The following IMMP2L variants were observed in gnomAD, a reference collection of about 807,000 sequenced individuals.
IMMP2L encodes the protein mitochondrial inner membrane protease subunit 2.
In IMMP2L, 18 loss-of-function variants were observed where a neutral mutation model predicts 19.3. That is an observed-to-expected ratio of 0.93 (90% CI 0.64 to 1.38). The LOEUF (loss-of-function observed/expected upper bound fraction) is 1.38, where lower values mean the gene tolerates loss of function less well. Among genes scored for constraint, IMMP2L ranks in the 40% most tolerant of loss-of-function variants. IMMP2L has a pLI of 0.00. For synonymous variants in IMMP2L, 76 were observed against 73.0 expected (o/e 1.04, Z -0.21); for missense variants, 233 against 218.2 (o/e 1.07, Z -0.43).
intron 3 of IMMP2L, among the ~76,000 whole-genome samples, chr7:111,440,185 T>G (rs10215967): frequency 0.088 from 13,393 of 151,882 alleles, 844 homozygotes; most frequent in African/African-American, 0.13. Context: ...CCTCCTCCCA[T>G]GAATCATGAA....
At chr7:110,892,109 C>T (rs772720709) in intron 4 of IMMP2L, among the ~76,000 whole-genome samples, 2 of 152,116 alleles carry the variant, frequency 1.3e-5, no homozygotes, top group Non-Finnish European at 2.9e-5. Context: ...AACCCATTGT[C>T]TCTCCTAAAT....
intron 5 of IMMP2L, among the ~76,000 whole-genome samples, chr7:110,771,206 C>A (rs969034912): frequency 2.0e-5 from 3 of 152,104 alleles, no homozygotes; most frequent in Non-Finnish European, 2.9e-5. Context: ...GTCAGGAAAA[C>A]CACTATGAGA....
At chr7:111,538,686 T>C (rs921423321) in intron 1 of IMMP2L, among the ~76,000 whole-genome samples, 1 of 149,764 alleles carries the variant, frequency 6.7e-6, no homozygotes, top group Admixed American at 6.7e-5. Flanking sequence ...GGCACATGCC[T>C]GTGCTCCCAG....
intron 1 of IMMP2L, among the ~76,000 whole-genome samples, chr7:111,526,065 C>A (rs891782666): frequency 2.4e-4 from 37 of 151,378 alleles, no homozygotes; most frequent in African/African-American, 9.0e-4. Context: ...GGCCTAGGGG[C>A]AAAATAAAAT....
At chr7:111,313,641 C>G (rs948438752) in intron 3 of IMMP2L, among the ~76,000 whole-genome samples, 1 of 151,950 alleles carries the variant, frequency 6.6e-6, no homozygotes, top group Non-Finnish European at 1.5e-5. Flanking sequence ...GTGACAAATC[C>G]CAGAGTTACA....
Position 111,475,096 on chromosome 7 carries a change from C to T in IMMP2L, c.239+12142G>A, listed in dbSNP as rs988262759. ...CCAGCTTCTTCAACAGCAGTTCCAA[C>T]ATCCATACAATTTTTAATAAAGTGA... On this transcript the variant is annotated intron_variant, in intron 3 of 5. Transcript: ENST00000405709. Among the ~76,000 whole-genome samples the T allele has an allele frequency of 5.9e-5, 9 of 152,234 alleles. No individual in the cohort carries two copies. The South Asian group carries it at 1.0e-3, about 18-fold the overall frequency.
intron 5 of IMMP2L, among the ~76,000 whole-genome samples, chr7:110,867,218 A>G (rs973145113): frequency 6.6e-6 from 1 of 151,924 alleles, no homozygotes; most frequent in African/African-American, 2.4e-5. Flanking sequence ...GGGCTCTCTT[A>G]CTGACTTGCT....
rs987561440 is a variant in IMMP2L, at chr7:111,377,944, A to G, written c.239+109294T>C. On this transcript the variant is annotated intron_variant, in intron 3 of 5. Coordinates refer to ENST00000405709, the MANE Select transcript of IMMP2L (RefSeq NM_032549.4). Reference sequence around the variant, plus strand: ...ATCCTTCCATTAATAATTCTAACTTAACTTAGTTTTACTTATTCATTTTTC... The same window carrying G: ...ATCCTTCCATTAATAATTCTAACTTGACTTAGTTTTACTTATTCATTTTTC... Among the ~76,000 whole-genome samples, 3 of 151,944 alleles carry G rather than the reference A, an allele frequency of 2.0e-5. No individual in the cohort carries two copies. In the South Asian group the frequency reaches 6.2e-4, roughly 32 times the overall value.
intron 5 of IMMP2L, among the ~76,000 whole-genome samples, chr7:110,733,903 C>T (rs569038502): frequency 1.3e-5 from 2 of 152,238 alleles, no homozygotes; most frequent in African/African-American, 4.8e-5. Context: ...TCATCAGACA[C>T]TGACTCTGCC....
Position 111,338,514 on chromosome 7 carries a change from T to C in IMMP2L, c.239+148724A>G, listed in dbSNP as rs1464191387. On this transcript the variant is annotated intron_variant, in intron 3 of 5. Transcript: ENST00000405709. ...ATATGCCATAAATCAAACAATCATA[T>C]ATAATAAGTACACTTAATAGTACAA... 2.6e-5 allele frequency among the ~76,000 whole-genome samples: 4 copies of C among 152,094 alleles called. No individual in the cohort carries two copies. The East Asian group carries it at 7.7e-4, about 29-fold the overall frequency.
In IMMP2L at chr7:110,782,311, A is replaced by T. The variant is rs2131088419; in HGVS notation, c.408+104282T>A. On this transcript the variant is annotated intron_variant, in intron 5 of 5. Coordinates refer to ENST00000405709, the MANE Select transcript of IMMP2L (RefSeq NM_032549.4). ...AATACACATGACTATTTTAAATTAA[A>T]AATAACAGTAGGGGAAAAAATAAAC... Among the ~76,000 whole-genome samples the T allele has an allele frequency of 2.0e-5, 3 of 152,114 alleles. No individual in the cohort carries two copies. In the Middle Eastern group the frequency reaches 0.01, roughly 517 times the overall value.
At chr7:110,893,360 G>GT (rs1811003728) in intron 4 of IMMP2L, among the ~76,000 whole-genome samples, 1 of 151,996 alleles carries the variant, frequency 6.6e-6, no homozygotes, top group Non-Finnish European at 1.5e-5. Flanking sequence ...ATAAAACAAG[G>GT]TATGACTGTA....
chr7:110,824,345 T>C (rs928392359), intron 5 of IMMP2L, among the ~76,000 whole-genome samples: 5 of 152,112 alleles, frequency 3.3e-5, no homozygotes, highest in Admixed American at 2.0e-4. Context: ...ACAAATAGGA[T>C]AGACTAAAAA....
At chr7:111,044,708 C>G (rs1792221204) in intron 3 of IMMP2L, among the ~76,000 whole-genome samples, 1 of 152,072 alleles carries the variant, frequency 6.6e-6, no homozygotes, top group African/African-American at 2.4e-5. Context: ...AACACTAACG[C>G]AAAAATGGCA....
intron 5 of IMMP2L, among the ~76,000 whole-genome samples, chr7:110,783,220 G>T (rs1167979473): frequency 6.6e-6 from 1 of 151,780 alleles, no homozygotes; most frequent in African/African-American, 2.4e-5. Flanking sequence ...TCATTGTGGA[G>T]CCCTATATCT....
At chr7:110,784,116 T>C (rs138678925) in intron 5 of IMMP2L, among the ~76,000 whole-genome samples, 8 of 152,024 alleles carry the variant, frequency 5.3e-5, no homozygotes, top group African/African-American at 1.9e-4. Flanking sequence ...ACTTTCTAGA[T>C]AACAAGAATA....
intron 3 of IMMP2L, among the ~76,000 whole-genome samples, chr7:111,230,690 A>C (rs113274179): frequency 2.6e-5 from 4 of 152,178 alleles, no homozygotes; most frequent in African/African-American, 9.6e-5. Flanking sequence ...GTGCCAAGCT[A>C]TGCAGATTTT....
intron 3 of IMMP2L, among the ~76,000 whole-genome samples, chr7:111,152,536 A>G (rs576486429): frequency 1.8e-4 from 28 of 152,280 alleles, no homozygotes; most frequent in African/African-American, 6.5e-4. Flanking sequence ...TAAGCATAGT[A>G]TAATAGAAAA....
Position 110,727,684 on chromosome 7 carries a change from A to G in IMMP2L, c.409-63963T>C, listed in dbSNP as rs571015970. ...TTTAAAAAATATTAGAATATTAAAT[A>G]TAACATGAGCTAGATATTTAAATTA... On this transcript the variant is annotated intron_variant, in intron 5 of 5. Transcript: ENST00000405709. The surrounding 1 kb of genome is among the most constrained non-coding windows in gnomAD (Gnocchi z 4.3). Among the ~76,000 whole-genome samples the G allele has an allele frequency of 2.5e-4, 38 of 152,296 alleles. No homozygotes were observed. The highest frequency in any genetic ancestry group is 6.7e-4 in the African/African-American group (28 of 41,566).
Sources: allele counts gnomAD v4.1 joint callset (sites outside exome capture counted in the v4.1 genomes callset), GRCh38; gene constraint gnomAD v4.1.1; non-coding constraint Gnocchi (gnomAD v3.1); transcripts MANE v1.5; gene names NCBI Gene and HGNC (gene_info 2026-07-23, HGNC 2026-07-21).